GRIN3B: variants seen among roughly 807,000 people sequenced by gnomAD.
GRIN3B encodes glutamate ionotropic receptor NMDA type subunit 3B.
In GRIN3B, 77 loss-of-function variants were observed where a neutral mutation model predicts 66.0. That is an observed-to-expected ratio of 1.17 (90% CI 0.97 to 1.41). GRIN3B has a LOEUF of 1.41. GRIN3B is among the 40% of genes most tolerant of loss of function. The pLI is 0.00. For missense variants in GRIN3B, 1,787 were observed against 1,564.5 expected, an observed-to-expected ratio of 1.14 and a Z score of -2.40; for synonymous variants, 823 against 749.7, an observed-to-expected ratio of 1.10 and a Z score of -1.60.
Position 1,009,380 on chromosome 19 carries a change from C to T in GRIN3B, c.2910C>T (p.Pro970=). 7.3e-7 allele frequency: 1 copy of T among 1,376,384 alleles called. No individual in the cohort carries two copies. Among genetic ancestry groups the T allele is most frequent in the Non-Finnish European group, 9.3e-7 (1 of 1,072,532 alleles). 85.3% of individuals were successfully genotyped at this position (1,376,384 alleles called of 1,614,324 possible). A position where few individuals can be genotyped will look rare whatever the true frequency, so the allele number is the denominator to read the frequency against. Residue 970 remains proline, a synonymous_variant, in exon 9 of 9, where the codon CCC becomes CCT. Coordinates refer to ENST00000234389, the MANE Select transcript of GRIN3B (RefSeq NM_138690.3). Reference sequence around the variant, plus strand: ...GGCTGTGCTCCTACGGCCGCCCGCCCGCCGCAAGGCCCACGGGGGCCCCCC... The same window carrying T: ...GGCTGTGCTCCTACGGCCGCCCGCCTGCCGCAAGGCCCACGGGGGCCCCCC... ...PVWLCSYGRP[P]AARPTGAPQP...
chr19:1,004,851 C>A lies in GRIN3B; in HGVS notation c.1350C>A (p.Thr450=), dbSNP rs763353254. 6.2e-6 allele frequency: 10 copies of A among 1,611,212 alleles called. No homozygotes were observed. The Admixed American group carries it at 1.3e-4, about 22-fold the overall frequency. The change falls in exon 3 of 9, where the codon ACC becomes ACA. Residue 450 remains threonine, a synonymous_variant. Transcript: ENST00000234389. The part of the protein sequence containing the change: ...PAGQLCLDPG[T]NDSATLDALF... The stretch of plus-strand genomic sequence containing the variant: ...GGCAGCTGTGCCTGGACCCTGGCAC[C>A]AACGACTCGGCCACCCTGGACGCAC...
intron 3 of GRIN3B, among the ~76,000 whole-genome samples, chr19:1,006,631 G>A (rs1455905769): frequency 2.6e-5 from 4 of 152,130 alleles, no homozygotes; most frequent in African/African-American, 7.2e-5. Context: ...TGGCAAAGTC[G>A]GGTTTTCTGC....
intron 8 of GRIN3B, 122 bp downstream of exon 8, chr19:1,009,049 C>T (rs1047982958): frequency 3.5e-6 from 5 of 1,442,678 alleles, no homozygotes; most frequent in African/African-American, 2.8e-5. Flanking sequence ...CACCCCCGGA[C>T]GTGCACACCG....
chr19:1,000,911 C>T (rs925376109), intron 1 of GRIN3B, 48 bp downstream of exon 1: 43 of 1,339,226 alleles, frequency 3.2e-5, no homozygotes, highest in Admixed American at 4.0e-5. Context: ...GGGGCGGGAG[C>T]GGGGTCGGGA....
intron 1 of GRIN3B, 32 bp from the exon 2 acceptor site, chr19:1,003,098 G>A (rs117555355): frequency 0.019 from 26,157 of 1,382,454 alleles, 260 homozygotes; most frequent in Non-Finnish European, 0.023. Context: ...GGTGGAGGTC[G>A]TCAACCCTAA....
Position 1,003,534 on chromosome 19 carries a change from G to A in GRIN3B, c.831G>A (p.Gly277=). The A allele has an allele frequency of 6.6e-7, 1 of 1,525,598 alleles. No individual in the cohort carries two copies. Among genetic ancestry groups the A allele is most frequent in the Non-Finnish European group, 8.8e-7 (1 of 1,141,706 alleles). 94.5% of individuals were successfully genotyped at this position (1,525,598 alleles called of 1,614,324 possible). ...TGCCCACCGCGGGGCTGCCACCAGG[G>A]CTGCTGGCGCTGGGCGAGGTGGCAC... ...KALPTAGLPP[G]LLALGEVARP... The change falls in exon 2 of 9, where the codon GGG becomes GGA. Residue 277 remains glycine, a synonymous_variant. Transcript: ENST00000234389.
At position 1,005,424 on chromosome 19, in the gene GRIN3B, G is replaced by C; in HGVS notation, c.1923G>C (p.Thr641=). The C allele has an allele frequency of 6.2e-7, 1 of 1,613,580 alleles. No homozygotes were observed. Among genetic ancestry groups the C allele is most frequent in the South Asian group, 1.1e-5 (1 of 91,084 alleles). The stretch of plus-strand genomic sequence containing the variant: ...CCAGCAAGACGCCCAAGTGCCCCAC[G>C]GGCCGCCTGCTCATGAACCTCTGGG... ...TVSSKTPKCP[T]GRLLMNLWAI... The change falls in exon 3 of 9, where the codon ACG becomes ACC. Residue 641 remains threonine, a synonymous_variant. Transcript: ENST00000234389. This position sits in a 1 kb window ranked among gnomAD's most constrained non-coding sequence, Gnocchi z 5.2.
chr19:1,007,923 G>C lies in GRIN3B; in HGVS notation c.2266G>C (p.Asp756His). ...GCTCCTGGACTACGAGGTCTCCATC[G>C]ACGCCGACTGCAAACTGCTGACCGT... is the stretch of plus-strand genomic sequence containing the variant. Reference protein sequence around the residue: ...KSLLDYEVSIDADCKLLTVGK... With the variant: ...KSLLDYEVSIHADCKLLTVGK... Residue 756 changes from aspartate to histidine, a missense_variant, in exon 5 of 9, where the codon GAC becomes CAC. Physicochemically the swap from Asp to His is moderately conservative, Grantham distance 81. Coordinates refer to ENST00000234389, the MANE Select transcript of GRIN3B (RefSeq NM_138690.3). The surrounding 1 kb of genome is among the most constrained non-coding windows in gnomAD (Gnocchi z 4.4). 1 of 1,612,086 alleles carries C rather than the reference G, an allele frequency of 6.2e-7. No homozygotes were observed. The highest frequency in any genetic ancestry group is 8.5e-7 in the Non-Finnish European group (1 of 1,179,650).
chr19:1,006,704 T>C (rs1235536202), intron 3 of GRIN3B, among the ~76,000 whole-genome samples: 5 of 152,110 alleles, frequency 3.3e-5, no homozygotes, highest in Non-Finnish European at 7.4e-5. Flanking sequence ...CCTGGCCTGC[T>C]CCCCAGCCCC....
Position 1,003,672 on chromosome 19 carries a change from C to T in GRIN3B, c.969C>T (p.Cys323=), listed in dbSNP as rs969272202. Residue 323 remains cysteine, a synonymous_variant, in exon 2 of 9, where the codon TGC becomes TGT. Transcript: ENST00000234389. ...CCCTCCTCCCCGCCCCGGTCAACTG[C>T]GGGGACCTGCAGCCGGCCGGGCCCG... The part of the protein sequence containing the change: ...KRALLPAPVN[C]GDLQPAGPES... The T allele has an allele frequency of 9.9e-6, 14 of 1,407,616 alleles. No individual in the cohort carries two copies. The highest frequency in any genetic ancestry group is 3.2e-5 in the Admixed American group (1 of 30,930). 87.2% of individuals were successfully genotyped at this position (1,407,616 alleles called of 1,614,324 possible).
chr19:1,008,333 C>A (rs760572449), intron 6 of GRIN3B, 42 bp downstream of exon 6: 19 of 295,488 alleles, frequency 6.4e-5, no homozygotes, highest in Non-Finnish European at 1.2e-4. Context: ...TGGGGGTGGG[C>A]GTGGGGGGCC....
At chr19:1,008,105 C>G in intron 5 of GRIN3B, 35 bp from the exon 6 acceptor site, 1 of 1,570,964 alleles carries the variant, frequency 6.4e-7, no homozygotes, top group Non-Finnish European at 8.6e-7. Flanking sequence ...TGGGGCTGTC[C>G]CACCTGGCCC....
In GRIN3B at chr19:1,000,868, G is replaced by A; in HGVS notation, c.426+5G>A. The A allele has an allele frequency of 7.1e-7, 1 of 1,404,956 alleles. No individual in the cohort carries two copies. The highest frequency in any genetic ancestry group is 9.2e-7 in the Non-Finnish European group (1 of 1,083,720). 87.0% of individuals were successfully genotyped at this position (1,404,956 alleles called of 1,614,324 possible). ...CGCGCGCCCCTCGGAGCCCCGGTAC[G>A]CGGGACGCCCGGAGTCAGGACGAGG... On this transcript the variant is annotated splice_donor_5th_base_variant and intron_variant, in intron 1 of 8. Coordinates refer to ENST00000234389, the MANE Select transcript of GRIN3B (RefSeq NM_138690.3).
Position 1,004,517 on chromosome 19 carries a change from C to G in GRIN3B, c.1020-4C>G. On this transcript the variant is annotated splice_region_variant and splice_polypyrimidine_tract_variant and intron_variant, in intron 2 of 8. Coordinates refer to ENST00000234389, the MANE Select transcript of GRIN3B (RefSeq NM_138690.3). The stretch of plus-strand genomic sequence containing the variant: ...ACCTGACACCCCCCCCGCCCTGCCC[C>G]TAGGTTCCTGGCCAACACGTCCTTC... 6.3e-7 allele frequency: 1 copy of G among 1,580,086 alleles called. No homozygotes were observed. The highest frequency in any genetic ancestry group is 2.3e-5 in the East Asian group (1 of 43,222).
Position 1,003,391 on chromosome 19 carries a change from G to A in GRIN3B, c.688G>A (p.Ala230Thr), listed in dbSNP as rs2038704072. The A allele has an allele frequency of 6.4e-7, 1 of 1,562,586 alleles. No individual in the cohort carries two copies. The highest frequency in any genetic ancestry group is 8.6e-7 in the Non-Finnish European group (1 of 1,159,770). Reference protein sequence around the residue: ...APMAAPVGGEAPVPAAVLLGC... With the variant: ...APMAAPVGGETPVPAAVLLGC... ...GATGGCGGCGCCAGTGGGGGGTGAAGCACCGGTACCCGCGGCGGTCCTCCT... is the reference window on the plus strand; with the variant it reads ...GATGGCGGCGCCAGTGGGGGGTGAAACACCGGTACCCGCGGCGGTCCTCCT... The change falls in exon 2 of 9, where the codon GCA becomes ACA. Residue 230 changes from alanine (A) to threonine (T), a missense_variant. Transcript: ENST00000234389.
In GRIN3B at chr19:1,003,577, G is replaced by A. The variant is rs1326495200; in HGVS notation, c.874G>A (p.Ala292Thr). The A allele has an allele frequency of 1.8e-5, 27 of 1,494,908 alleles. No homozygotes were observed. Among genetic ancestry groups the A allele is most frequent in the Admixed American group, 6.7e-5 (3 of 44,718 alleles). 92.6% of individuals were successfully genotyped at this position (1,494,908 alleles called of 1,614,324 possible). Reference protein sequence around the residue: ...GEVARPPLEAAIHDIVQLVAR... With the variant: ...GEVARPPLEATIHDIVQLVAR... ...GGTGGCACGACCCCCGCTGGAGGCC[G>A]CCATCCATGACATTGTGCAACTGGT... The change falls in exon 2 of 9, where the codon GCC becomes ACC. Residue 292 changes from alanine to threonine, a missense_variant. By Grantham distance (58) the Ala-to-Thr change is moderately conservative. Transcript: ENST00000234389.
At chr19:1,009,150 G>C in intron 8 of GRIN3B, 23 bp from the exon 9 acceptor site, 6 of 1,452,780 alleles carry the variant, frequency 4.1e-6, no homozygotes, top group Non-Finnish European at 5.4e-6. Context: ...GGCGGACACT[G>C]ACCAGGCCGG....
In GRIN3B at chr19:1,005,103, C is replaced by T; in HGVS notation, c.1602C>T (p.Ile534=). ...ACATGGCGGTCACCAGCTTCAGTAT[C>T]AACTCCGCCCGCTCACAGGTGGTGG... The part of the protein sequence containing the change: ...RAHMAVTSFS[I]NSARSQVVDF... Residue 534 remains isoleucine, a synonymous_variant, in exon 3 of 9, where the codon ATC becomes ATT. Coordinates refer to ENST00000234389, the MANE Select transcript of GRIN3B (RefSeq NM_138690.3). The surrounding 1 kb of genome is among the most constrained non-coding windows in gnomAD (Gnocchi z 5.2). 6.2e-7 allele frequency: 1 copy of T among 1,612,852 alleles called. No individual in the cohort carries two copies. The highest frequency in any genetic ancestry group is 8.5e-7 in the Non-Finnish European group (1 of 1,179,814).
chr19:1,006,332 T>A (rs112610628), intron 3 of GRIN3B, among the ~76,000 whole-genome samples: 4,906 of 150,600 alleles, frequency 0.033, 276 homozygotes, highest in African/African-American at 0.11. Context: ...TTCAGTAGAG[T>A]TGGCGGGTTT....
Sources: gnomAD v4.1 joint callset for allele counts (sites outside exome capture counted in the v4.1 genomes callset) on GRCh38, gnomAD v4.1.1 for gene constraint, Gnocchi (gnomAD v3.1) non-coding constraint, MANE v1.5 for transcripts, NCBI Gene and HGNC (gene_info 2026-07-23, HGNC 2026-07-21) for gene names.